SLC4A4: variants seen among roughly 807,000 people sequenced by gnomAD.
The protein encoded by SLC4A4 is electrogenic sodium bicarbonate cotransporter 1.
Under a neutral mutation model 111.5 loss-of-function variants are expected in SLC4A4, and 27 were observed. The observed-to-expected ratio is 0.24, with a 90% CI of 0.18 to 0.33. The LOEUF (loss-of-function observed/expected upper bound fraction) is 0.33, where lower values mean the gene tolerates loss of function less well. SLC4A4 is among the 10% of genes least tolerant of loss of function. The pLI is 1.00. For synonymous variants in SLC4A4, 443 were observed against 463.4 expected, an observed-to-expected ratio of 0.96 and a Z score of 0.57; for missense variants, 909 against 1,315.5, an observed-to-expected ratio of 0.69 and a Z score of 4.78.
At chr4:71,526,088 T>A (rs1161959637) in intron 16 of SLC4A4, among the ~76,000 whole-genome samples, 1 of 152,042 alleles carries the variant, frequency 6.6e-6, no homozygotes, top group Admixed American at 6.6e-5. Flanking sequence ...TTTGCCTAGC[T>A]CAAATTAAAG....
chr4:71,096,827 G>C (rs373397899), intron 2 of SLC4A4, among the ~76,000 whole-genome samples: 1 of 152,114 alleles, frequency 6.6e-6, no homozygotes, highest in East Asian at 1.9e-4. Context: ...AGGCATTGTC[G>C]TTGGATCTTT....
In SLC4A4 at chr4:71,469,037, C is replaced by T. The variant is rs1229285844; in HGVS notation, c.1631+2460C>T. ...ATTATAAAGGAATATGAATGATATG[C>T]TGCCATCTCTTAAAATCAGTAATAG... On this transcript the variant is annotated intron_variant, in intron 13 of 25. Coordinates refer to ENST00000264485, the MANE Select transcript of SLC4A4 (RefSeq NM_001098484.3). 2.6e-5 allele frequency among the ~76,000 whole-genome samples: 4 copies of T among 151,976 alleles called. No homozygotes were observed. The East Asian group carries it at 5.8e-4, about 22-fold the overall frequency.
chr4:71,084,279 CACT>C (rs1742082905), intron 1 of SLC4A4, among the ~76,000 whole-genome samples: 1 of 152,012 alleles, frequency 6.6e-6, no homozygotes. Context: ...TGAATTATTT[CACT>C]ACATTAAACA....
intron 7 of SLC4A4, among the ~76,000 whole-genome samples, chr4:71,422,103 GA>G (rs1402885513): frequency 2.8e-5 from 4 of 143,980 alleles, no homozygotes; most frequent in Non-Finnish European, 4.6e-5. Flanking sequence ...GACTAATAAA[GA>G]AAAAAAGAGA....
At chr4:71,495,927 A>C (rs1480206926) in intron 15 of SLC4A4, among the ~76,000 whole-genome samples, 2 of 152,070 alleles carry the variant, frequency 1.3e-5, no homozygotes, top group Non-Finnish European at 2.9e-5. Context: ...AGATAGGTAC[A>C]ATTTTGAAAA....
At chr4:71,084,837 C>T (rs4694368) in intron 1 of SLC4A4, among the ~76,000 whole-genome samples, 82,534 of 151,900 alleles carry the variant, frequency 0.54, 25,973 homozygotes, top group East Asian at 0.75. Context: ...CAAGTCTTTG[C>T]TATTGTGAAT....
At chr4:71,476,081 GT>G (rs1728345307) in intron 14 of SLC4A4, among the ~76,000 whole-genome samples, 1 of 151,704 alleles carries the variant, frequency 6.6e-6, no homozygotes, top group African/African-American at 2.4e-5. Flanking sequence ...AAATCTATTT[GT>G]GGTTTGGAAA....
At chr4:71,175,747 T>TC (rs2148984606) in intron 2 of SLC4A4, among the ~76,000 whole-genome samples, 1 of 152,244 alleles carries the variant, frequency 6.6e-6, no homozygotes, top group South Asian at 2.1e-4. Flanking sequence ...ACTCCACCTC[T>TC]GGGGGCAGGG....
chr4:71,538,238 AG>A (rs1164262820), intron 18 of SLC4A4, among the ~76,000 whole-genome samples: 2 of 152,306 alleles, frequency 1.3e-5, no homozygotes, highest in East Asian at 3.9e-4. Flanking sequence ...GATAAAATTC[AG>A]AATTTAGAAT....
intron 2 of SLC4A4, among the ~76,000 whole-genome samples, chr4:71,124,613 G>A (rs980978849): frequency 3.9e-5 from 6 of 151,904 alleles, no homozygotes; most frequent in Admixed American, 2.0e-4. Context: ...AAATTATTGC[G>A]CTCACTTCCT....
At chr4:71,139,771 G>T (rs1743946977) in intron 2 of SLC4A4, among the ~76,000 whole-genome samples, 1 of 152,108 alleles carries the variant, frequency 6.6e-6, no homozygotes, top group African/African-American at 2.4e-5. Flanking sequence ...TTTGTTTCAT[G>T]CATAGAATGT....
chr4:71,067,529 C>T (rs757757291), intron 1 of SLC4A4, among the ~76,000 whole-genome samples: 2 of 152,080 alleles, frequency 1.3e-5, no homozygotes, highest in Non-Finnish European at 2.9e-5. Context: ...TCTTTGATCT[C>T]CCTGCCAGCT....
intron 1 of SLC4A4, among the ~76,000 whole-genome samples, chr4:71,064,164 A>G (rs1403158935): frequency 1.3e-5 from 2 of 152,220 alleles, no homozygotes; most frequent in Non-Finnish European, 2.9e-5. Flanking sequence ...GAGAGGCAAT[A>G]TGTATGGTAT....
chr4:71,304,402 T>A (rs1274109933), intron 3 of SLC4A4, among the ~76,000 whole-genome samples: 5 of 152,022 alleles, frequency 3.3e-5, no homozygotes, highest in African/African-American at 1.2e-4. Flanking sequence ...AGAAGATGAA[T>A]GCCCCAGCTT....
At chr4:71,474,416 A>G (rs1342987508) in intron 14 of SLC4A4, among the ~76,000 whole-genome samples, 1 of 151,890 alleles carries the variant, frequency 6.6e-6, no homozygotes, top group East Asian at 1.9e-4. Flanking sequence ...TAGAATGCAG[A>G]ATGCTTATGA....
At chr4:71,253,401 G>A (rs1721215652) in intron 2 of SLC4A4, among the ~76,000 whole-genome samples, 2 of 152,222 alleles carry the variant, frequency 1.3e-5, no homozygotes, top group East Asian at 1.9e-4. Flanking sequence ...TGGCAATATA[G>A]CTTAATTACC....
At chr4:71,174,114 T>A (rs1487347195) in intron 2 of SLC4A4, among the ~76,000 whole-genome samples, 1 of 152,196 alleles carries the variant, frequency 6.6e-6, no homozygotes, top group Non-Finnish European at 1.5e-5. Flanking sequence ...TGTGCTTAGA[T>A]AAAAGTACAA....
intron 3 of SLC4A4, among the ~76,000 whole-genome samples, chr4:71,259,020 T>G (rs1467687164): frequency 6.6e-6 from 1 of 152,142 alleles, no homozygotes; most frequent in East Asian, 1.9e-4. Flanking sequence ...TCCCAGGTGC[T>G]CCAGAGGCTG....
chr4:71,290,309 G>A (rs1211229263), intron 3 of SLC4A4, among the ~76,000 whole-genome samples: 1 of 152,170 alleles, frequency 6.6e-6, no homozygotes, highest in Non-Finnish European at 1.5e-5. Context: ...TGGAACCTTA[G>A]AAGCAGCTGC....
Sources: allele counts gnomAD v4.1 joint callset (sites outside exome capture counted in the v4.1 genomes callset), GRCh38; gene constraint gnomAD v4.1.1; transcripts MANE v1.5; gene names NCBI Gene and HGNC (gene_info 2026-07-23, HGNC 2026-07-21).